Variants in WDR5 observed in about 807,000 individuals in gnomAD.
WDR5 encodes the protein WD repeat domain 5.
For missense variants in WDR5, 187 were observed against 416.9 expected (o/e 0.45, Z 4.80); for synonymous variants, 144 against 161.6 (o/e 0.89, Z 0.83).
intron 1 of WDR5, among the ~76,000 whole-genome samples, chr9:134,138,311 T>G (rs993332605): frequency 2.0e-5 from 3 of 148,346 alleles, no homozygotes; most frequent in African/African-American, 7.3e-5. Context: ...GGGTAGGGCA[T>G]GGGCACAGTT....
At chr9:134,155,281 G>A (rs28725485) in intron 10 of WDR5, 59 bp from the exon 11 acceptor site, 48 of 1,509,182 alleles carry the variant, frequency 3.2e-5, no homozygotes, top group Non-Finnish European at 4.1e-5. Flanking sequence ...GCAGAGTTGG[G>A]TGTGGGGACA....
chr9:134,147,778 G>A (rs1445631577), intron 7 of WDR5, among the ~76,000 whole-genome samples: 3 of 152,102 alleles, frequency 2.0e-5, no homozygotes, highest in African/African-American at 4.8e-5. Context: ...CCAGCACTTC[G>A]GAAGACCAAG....
At chr9:134,142,122 T>A in intron 5 of WDR5, 84 bp downstream of exon 5, 1 of 1,094,516 alleles carries the variant, frequency 9.1e-7, no homozygotes, top group Non-Finnish European at 1.3e-6. Context: ...GACTGCTCAG[T>A]AAGCAACACT....
chr9:134,137,414 G>T (rs1445512778), intron 1 of WDR5, among the ~76,000 whole-genome samples: 1 of 152,104 alleles, frequency 6.6e-6, no homozygotes, highest in African/African-American at 2.4e-5. Context: ...CCGGCGCGGT[G>T]GCTCACGCCT....
At chr9:134,136,366 C>T (rs527534331) in intron 1 of WDR5, among the ~76,000 whole-genome samples, 166 bp downstream of exon 1, 2,486 of 151,068 alleles carry the variant, frequency 0.016, 22 homozygotes, top group African/African-American at 0.028. Flanking sequence ...GGACCCCCGC[C>T]CCGGCCCCTC....
chr9:134,144,290 C>T (rs543977127), intron 7 of WDR5, among the ~76,000 whole-genome samples: 1 of 152,298 alleles, frequency 6.6e-6, no homozygotes, highest in African/African-American at 2.4e-5. Flanking sequence ...GCTTGCGGGC[C>T]CAGCCCCTTG....
intron 7 of WDR5, among the ~76,000 whole-genome samples, chr9:134,147,667 G>GT (rs1832274329): frequency 6.6e-6 from 1 of 152,188 alleles, no homozygotes; most frequent in South Asian, 2.1e-4. Context: ...CCCAGGAAAT[G>GT]TTTCAGCACC....
upstream of WDR5, chr9:134,135,797 A>C (rs2132509684): frequency 6.6e-6 from 1 of 152,260 alleles, no homozygotes; most frequent in South Asian, 2.1e-4. Context: ...GTCTGTGTAC[A>C]GGGCGTGCTG....
At position 134,156,684 on chromosome 9, in the gene WDR5, C is replaced by T. The variant is rs535282092; in HGVS notation, c.904+91C>T. On this transcript the variant is annotated intron_variant, in intron 13 of 13. Coordinates refer to ENST00000358625, the MANE Select transcript of WDR5 (RefSeq NM_017588.3). Reference sequence around the variant, plus strand: ...GCGTGGTGTGCCCGTAGGGTGCCGTCGTCTTCCCCTTCCCACCTCAGCCCT... The same window carrying T: ...GCGTGGTGTGCCCGTAGGGTGCCGTTGTCTTCCCCTTCCCACCTCAGCCCT... The T allele has an allele frequency of 9.6e-5, 123 of 1,281,148 alleles. No homozygotes were observed. The Admixed American group carries it at 1.2e-3, about 12-fold the overall frequency. The allele number at this position is 1,281,148 out of a possible 1,614,324, so 79.4% of individuals were successfully genotyped here. A position where few individuals can be genotyped will look rare whatever the true frequency, so the allele number is the denominator to read the frequency against.
At chr9:134,139,535 G>A (rs1381446288) in intron 1 of WDR5, among the ~76,000 whole-genome samples, 4 of 152,124 alleles carry the variant, frequency 2.6e-5, no homozygotes, top group African/African-American at 9.7e-5. Context: ...TGCACAAACT[G>A]CTGCATTCTT....
chr9:134,136,614 A>G lies in WDR5; in HGVS notation c.-59+414A>G, dbSNP rs374602968. 1.1e-4 allele frequency among the ~76,000 whole-genome samples: 16 copies of G among 151,338 alleles called. No individual in the cohort carries two copies. The East Asian group carries it at 1.4e-3, about 13-fold the overall frequency. On this transcript the variant is annotated intron_variant, in intron 1 of 13. Transcript: ENST00000358625. ...AGGTGCGCTTCCCCTCCTCGTAGAAACGCCCCCAGCCCGCTCCCGCCGCTC... is the reference window on the plus strand; with the variant it reads ...AGGTGCGCTTCCCCTCCTCGTAGAAGCGCCCCCAGCCCGCTCCCGCCGCTC...
In WDR5 at chr9:134,158,330, T is replaced by G. The variant is rs1238374974; in HGVS notation, c.*337T>G. On this transcript the variant is annotated 3_prime_UTR_variant, in exon 14 of 14. Coordinates refer to ENST00000358625, the MANE Select transcript of WDR5 (RefSeq NM_017588.3). ...CGTTGTGTTTTTTCAGTAAACGTTC[T>G]GTATCTTTTTGATATTCCATGACCC... is the stretch of plus-strand genomic sequence containing the variant. 2 of 202,428 alleles carry G rather than the reference T, an allele frequency of 9.9e-6. No individual in the cohort carries two copies. Among genetic ancestry groups the G allele is most frequent in the Non-Finnish European group, 1.0e-5 (1 of 99,350 alleles). The allele number at this position is 202,428 out of a possible 1,614,324, so 12.5% of individuals were successfully genotyped here.
intron 7 of WDR5, among the ~76,000 whole-genome samples, chr9:134,147,319 C>T (rs1588174029): frequency 6.6e-6 from 1 of 152,190 alleles, no homozygotes; most frequent in South Asian, 2.1e-4. Context: ...TGGACTCCCC[C>T]TCCTGGACTG....
chr9:134,146,249 T>C (rs899056352), intron 7 of WDR5, among the ~76,000 whole-genome samples: 6 of 151,756 alleles, frequency 4.0e-5, no homozygotes, highest in Admixed American at 3.3e-4. Context: ...CTTTTTTTTT[T>C]TTTGAGACAG....
chr9:134,158,362 C>T lies in WDR5; in HGVS notation c.*369C>T, dbSNP rs796207896. ...TTTTGATATTCCATGACCCAGTGCA[C>T]GCTGTGGCCTGTCACCGCCACCGTG... is the stretch of plus-strand genomic sequence containing the variant. On this transcript the variant is annotated 3_prime_UTR_variant, in exon 14 of 14. Transcript: ENST00000358625. 23 of 168,884 alleles carry T rather than the reference C, an allele frequency of 1.4e-4. No homozygotes were observed. The highest frequency in any genetic ancestry group is 4.6e-4 in the African/African-American group (19 of 41,674). 10.5% of individuals were successfully genotyped at this position (168,884 alleles called of 1,614,324 possible). A position where few individuals can be genotyped will look rare whatever the true frequency, so the allele number is the denominator to read the frequency against.
chr9:134,137,333 A>C (rs1268373866), intron 1 of WDR5, among the ~76,000 whole-genome samples: 1 of 152,172 alleles, frequency 6.6e-6, no homozygotes, highest in African/African-American at 2.4e-5. Context: ...CAAGTCTCCA[A>C]CCTTCCTGTT....
Position 134,148,486 on chromosome 9 carries a change from GAC to G in WDR5, c.584+145_584+146del, listed in dbSNP as rs959657736. On this transcript the variant is annotated intron_variant, in intron 8 of 13. Coordinates refer to ENST00000358625, the MANE Select transcript of WDR5 (RefSeq NM_017588.3). ...AAGCTTCTCTTCTGGCCACGCTGCA[GAC>G]ATGTTAGCAGATAGGCAGTGCAGTT... is the stretch of plus-strand genomic sequence containing the variant. 13 of 712,834 alleles carry G rather than the reference GAC, an allele frequency of 1.8e-5. No homozygotes were observed. The Admixed American group carries it at 2.3e-4, about 13-fold the overall frequency. The allele number at this position is 712,834 out of a possible 1,614,324, so 44.2% of individuals were successfully genotyped here. A position where few individuals can be genotyped will look rare whatever the true frequency, so the allele number is the denominator to read the frequency against.
intron 9 of WDR5, 116 bp from the exon 10 acceptor site, chr9:134,154,350 G>C: frequency 9.7e-7 from 1 of 1,028,836 alleles, no homozygotes; most frequent in South Asian, 1.4e-5. Context: ...TGGCACTGAT[G>C]GTGGTGGCCG....
At chr9:134,138,663 G>T (rs992741881) in intron 1 of WDR5, among the ~76,000 whole-genome samples, 1 of 152,122 alleles carries the variant, frequency 6.6e-6, no homozygotes, top group Non-Finnish European at 1.5e-5. Flanking sequence ...GAAATGGAGC[G>T]GTGGCCACAC....
Sources: allele counts gnomAD v4.1 joint callset (sites outside exome capture counted in the v4.1 genomes callset), GRCh38; gene constraint gnomAD v4.1.1; transcripts MANE v1.5; gene names NCBI Gene and HGNC (gene_info 2026-07-23, HGNC 2026-07-21).